COBLL1: variants seen among roughly 807,000 people sequenced by gnomAD.
COBLL1 encodes cordon-bleu protein-like 1.
A neutral mutation model predicts 94.8 loss-of-function variants in COBLL1; 50 were observed. The observed-to-expected ratio is 0.53, with a 90% CI of 0.42 to 0.67. The LOEUF (loss-of-function observed/expected upper bound fraction) is 0.67, where lower values mean the gene tolerates loss of function less well. Among genes scored for constraint, COBLL1 ranks in the 30% least tolerant of loss-of-function variants. The probability of loss-of-function intolerance (pLI) is 0.00; values close to 1 mark genes in which losing one functional copy is unlikely to be tolerated. For synonymous variants in COBLL1, 448 were observed against 473.8 expected (o/e 0.95, Z 0.71); for missense variants, 1,362 against 1,348.7 (o/e 1.01, Z -0.15).
At chr2:164,690,306 G>A (rs1683525744) in intron 13 of COBLL1, among the ~76,000 whole-genome samples, 1 of 152,046 alleles carries the variant, frequency 6.6e-6, no homozygotes, top group Non-Finnish European at 1.5e-5. Context: ...AAAAAAATTA[G>A]AATCTGGCAC....
At chr2:164,673,853 C>T (rs933287936) in intron 1 of COBLL1, among the ~76,000 whole-genome samples, 2 of 151,884 alleles carry the variant, frequency 1.3e-5, no homozygotes, top group African/African-American at 2.4e-5. Context: ...TTAAACCTAA[C>T]CAAATTTTTA....
At chr2:164,735,617 A>G (rs144921517) in intron 3 of COBLL1, among the ~76,000 whole-genome samples, 15 of 152,298 alleles carry the variant, frequency 9.8e-5, no homozygotes, top group African/African-American at 3.1e-4. Context: ...CGTGCTTCCA[A>G]TGGAGCTGCC....
At chr2:164,720,421 C>T (rs1011602176) in intron 7 of COBLL1, among the ~76,000 whole-genome samples, 9 of 152,110 alleles carry the variant, frequency 5.9e-5, no homozygotes, top group Non-Finnish European at 1.3e-4. Flanking sequence ...CAACATAGAC[C>T]TCTTGGGGAG....
At chr2:164,705,990 C>T (rs144749947) in intron 7 of COBLL1, among the ~76,000 whole-genome samples, 1,557 of 152,240 alleles carry the variant, frequency 0.01, 24 homozygotes, top group African/African-American at 0.036. Flanking sequence ...GCCAAGATTG[C>T]GCCATTGCAC....
intron 2 of COBLL1, among the ~76,000 whole-genome samples, chr2:164,807,223 A>G (rs1419434942): frequency 6.6e-6 from 1 of 152,088 alleles, no homozygotes; most frequent in Non-Finnish European, 1.5e-5. Context: ...AGGTGGGTGT[A>G]TCACCTGAGG....
intron 2 of COBLL1, among the ~76,000 whole-genome samples, chr2:164,658,446 C>A (rs1691013438): frequency 6.6e-6 from 1 of 152,100 alleles, no homozygotes; most frequent in Admixed American, 6.5e-5. Context: ...TAGTCATGGA[C>A]TGCATCTGGG....
chr2:164,801,695 A>G (rs1287501648), intron 2 of COBLL1, among the ~76,000 whole-genome samples: 1 of 152,134 alleles, frequency 6.6e-6, no homozygotes, highest in East Asian at 1.9e-4. Context: ...AATTTGTCCA[A>G]AGTTTTAATA....
intron 2 of COBLL1, among the ~76,000 whole-genome samples, chr2:164,793,031 A>G (rs976835430): frequency 1.4e-4 from 22 of 152,202 alleles, no homozygotes; most frequent in African/African-American, 5.3e-4. Context: ...CTGAGAAAGA[A>G]AGAGCCACAT....
chr2:164,703,804 C>A (rs540217531), intron 9 of COBLL1: 23 of 219,958 alleles, frequency 1.0e-4, no homozygotes, highest in Non-Finnish European at 1.8e-4. Context: ...TAGTCTATCA[C>A]ATTCATTGAT....
intron 2 of COBLL1, among the ~76,000 whole-genome samples, chr2:164,780,950 C>T (rs1290648990): frequency 6.6e-6 from 1 of 152,140 alleles, no homozygotes; most frequent in African/African-American, 2.4e-5. Flanking sequence ...GAATACCTTG[C>T]CTGTGATGTG....
chr2:164,686,371 C>A (rs1449245249), intron 13 of COBLL1, among the ~76,000 whole-genome samples: 1 of 152,056 alleles, frequency 6.6e-6, no homozygotes, highest in Non-Finnish European at 1.5e-5. Flanking sequence ...TCTGGCTCCC[C>A]AAAACTGCCT....
chr2:164,716,440 T>A (rs1332494955), intron 7 of COBLL1, among the ~76,000 whole-genome samples: 1 of 152,122 alleles, frequency 6.6e-6, no homozygotes, highest in Admixed American at 6.5e-5. Context: ...GAAAGTTTTC[T>A]TTTCAAATGA....
chr2:164,689,416 G>T (rs1683476131), intron 13 of COBLL1, among the ~76,000 whole-genome samples: 1 of 152,074 alleles, frequency 6.6e-6, no homozygotes, highest in Non-Finnish European at 1.5e-5. Context: ...CAATATAATT[G>T]TTGTTCTATA....
intron 2 of COBLL1, among the ~76,000 whole-genome samples, chr2:164,789,569 G>A (rs371534534): frequency 6.6e-6 from 1 of 152,198 alleles, no homozygotes; most frequent in Non-Finnish European, 1.5e-5. Flanking sequence ...GTTTGGCATA[G>A]AGGGGGAGCT....
At chr2:164,794,713 A>G (rs566402419) in intron 2 of COBLL1, among the ~76,000 whole-genome samples, 2 of 151,330 alleles carry the variant, frequency 1.3e-5, no homozygotes, top group African/African-American at 2.4e-5. Flanking sequence ...CATACGCAGC[A>G]TAAGTACTTG....
chr2:164,773,118 C>G (rs1688289468), intron 2 of COBLL1, among the ~76,000 whole-genome samples: 1 of 94,950 alleles, frequency 1.1e-5, no homozygotes, highest in Non-Finnish European at 2.2e-5. Flanking sequence ...CAGGATCGTA[C>G]AGGGGAAAGA....
At position 164,750,803 on chromosome 2, in the gene COBLL1, T is replaced by C. The variant is rs1014358334; in HGVS notation, c.42-6928A>G. Among the ~76,000 whole-genome samples, 6 of 152,278 alleles carry C rather than the reference T, an allele frequency of 3.9e-5. No individual in the cohort carries two copies. The South Asian group carries it at 8.3e-4, about 21-fold the overall frequency. On this transcript the variant is annotated intron_variant, in intron 2 of 13. Coordinates refer to ENST00000652658, the MANE Select transcript of COBLL1 (RefSeq NM_001365672.2). ...AAGTATGGTTTCAGAGCAGCAGCCA[T>C]AGTACTTGGCTGCCGCACCCCTGAG...
intron 2 of COBLL1, among the ~76,000 whole-genome samples, chr2:164,836,619 T>C (rs1683332517): frequency 6.6e-6 from 1 of 152,182 alleles, no homozygotes; most frequent in East Asian, 1.9e-4. Context: ...GTTAATATAC[T>C]TATTCAAAAA....
chr2:164,822,737 T>TTA (rs1685230753), intron 2 of COBLL1, among the ~76,000 whole-genome samples: 1 of 11,132 alleles, frequency 9.0e-5, no homozygotes, highest in Non-Finnish European at 1.8e-4. Context: ...TTATATTATA[T>TTA]TATTATTATT....
Sources: gnomAD v4.1 joint callset for allele counts (sites outside exome capture counted in the v4.1 genomes callset) on GRCh38, gnomAD v4.1.1 for gene constraint, MANE v1.5 for transcripts, NCBI Gene and HGNC (gene_info 2026-07-23, HGNC 2026-07-21) for gene names.